BZW1: variants seen among roughly 807,000 people sequenced by gnomAD.
The protein encoded by BZW1 is basic leucine zipper and W2 domains 1.
Under a neutral mutation model 54.1 loss-of-function variants are expected in BZW1, and 3 were observed. That is an observed-to-expected ratio of 0.06 (90% CI 0.03 to 0.14). BZW1 has a LOEUF of 0.14. Among genes scored for constraint, BZW1 ranks in the 10% least tolerant of loss-of-function variants. BZW1 has a pLI of 1.00. For missense variants in BZW1, 206 were observed against 491.7 expected (o/e 0.42, Z 5.50); for synonymous variants, 152 against 162.7 (o/e 0.93, Z 0.50).
At chr2:200,820,437 T>C (rs922351586) in intron 10 of BZW1, among the ~76,000 whole-genome samples, 9 of 152,196 alleles carry the variant, frequency 5.9e-5, no homozygotes, top group Non-Finnish European at 1.0e-4. Context: ...CCCAACACTT[T>C]GGGAGCCTGA....
At position 200,817,095 on chromosome 2, in the gene BZW1, A is replaced by G. The variant is rs747141947; in HGVS notation, c.403-11A>G. 3 of 1,612,716 alleles carry G rather than the reference A, an allele frequency of 1.9e-6. No individual in the cohort carries two copies. Among genetic ancestry groups the G allele is most frequent in the Admixed American group, 3.3e-5 (2 of 59,878 alleles). ...TGCTGTTTTAACCCTTAATTGTTTT[A>G]CTTTTTACAGCTGCTGCTGTTCTTG... is the stretch of plus-strand genomic sequence containing the variant. On this transcript the variant is annotated splice_polypyrimidine_tract_variant and intron_variant, in intron 5 of 11. Coordinates refer to ENST00000409600, the MANE Select transcript of BZW1 (RefSeq NM_001207067.2).
At chr2:200,817,008 C>A in intron 5 of BZW1, 98 bp from the exon 6 acceptor site, 3 of 1,389,540 alleles carry the variant, frequency 2.2e-6, no homozygotes, top group Non-Finnish European at 2.9e-6. Context: ...GATCCCAGAG[C>A]CCACGTATTG....
chr2:200,821,595 C>T (rs1374734818), intron 11 of BZW1, among the ~76,000 whole-genome samples: 1 of 151,602 alleles, frequency 6.6e-6, no homozygotes, highest in South Asian at 2.1e-4. Flanking sequence ...GACAGAGTCT[C>T]ACTATGTTGC....
chr2:200,815,261 G>A, intron 2 of BZW1, 80 bp from the exon 3 acceptor site: 4 of 1,351,760 alleles, frequency 3.0e-6, no homozygotes, highest in Non-Finnish European at 4.0e-6. Context: ...TTTAACAATT[G>A]CATCTTCATA....
intron 9 of BZW1, chr2:200,819,208 G>C (rs1385369847): frequency 3.5e-6 from 1 of 287,604 alleles, no homozygotes. Context: ...GGGCAACATA[G>C]TGAGACCTCA....
In BZW1 at chr2:200,826,407, A is replaced by AGATAGATAGATAGATAT. The variant is rs1559318394; in HGVS notation, c.*4229_*4230insGATAGATAGATAGATAT. On this transcript the variant is annotated 3_prime_UTR_variant, in exon 12 of 12. Coordinates refer to ENST00000409600, the MANE Select transcript of BZW1 (RefSeq NM_001207067.2). ...TAGATAGATAGATAGATAGATAGAT[A>AGATAGATAGATAGATAT]TTTTTTTTTTTTTTTTTTTTTTTTT... 4.7e-4 allele frequency: 26 copies of AGATAGATAGATAGATAT among 54,940 alleles called. No homozygotes were observed. The highest frequency in any genetic ancestry group is 8.3e-4 in the East Asian group (2 of 2,408). 3.4% of individuals were successfully genotyped at this position (54,940 alleles called of 1,614,324 possible). A position where few individuals can be genotyped will look rare whatever the true frequency, so the allele number is the denominator to read the frequency against.
chr2:200,812,992 T>C lies in BZW1; in HGVS notation c.-10-216T>C, dbSNP rs2038145659. The C allele has an allele frequency of 7.2e-6, 5 of 693,458 alleles. No homozygotes were observed. In the South Asian group the frequency reaches 7.5e-5, roughly 10 times the overall value. The allele number at this position is 693,458 out of a possible 1,614,324, so 43.0% of individuals were successfully genotyped here. A position where few individuals can be genotyped will look rare whatever the true frequency, so the allele number is the denominator to read the frequency against. ...CTTAAAAGTAGTTCACAGCACTAAT[T>C]TGAAGGGTTTCTTGTAGAGAGAAAT... On this transcript the variant is annotated intron_variant, in intron 1 of 11. Transcript: ENST00000409600.
At chr2:200,814,401 T>G (rs1416670014) in intron 2 of BZW1, among the ~76,000 whole-genome samples, 1 of 152,192 alleles carries the variant, frequency 6.6e-6, no homozygotes, top group Admixed American at 6.6e-5. Context: ...CACAAGACTT[T>G]CAGTGCTAAA....
rs1354145733 is a variant in BZW1 at position 200,813,420 on chromosome 2, C to T, written c.64+139C>T. ...GAAACTTGAATTTCTCGTTGACTGCCATTTCACATACACCTTTAATATTTC... is the reference window on the plus strand; with the variant it reads ...GAAACTTGAATTTCTCGTTGACTGCTATTTCACATACACCTTTAATATTTC... On this transcript the variant is annotated intron_variant, in intron 2 of 11. Coordinates refer to ENST00000409600, the MANE Select transcript of BZW1 (RefSeq NM_001207067.2). 2.5e-5 allele frequency: 17 copies of T among 690,248 alleles called. No individual in the cohort carries two copies. In the South Asian group the frequency reaches 2.9e-4, roughly 12 times the overall value. The allele number at this position is 690,248 out of a possible 1,614,324, so 42.8% of individuals were successfully genotyped here.
chr2:200,813,623 AAGG>A (rs1416864500), intron 2 of BZW1, among the ~76,000 whole-genome samples: 1 of 152,220 alleles, frequency 6.6e-6, no homozygotes, highest in Non-Finnish European at 1.5e-5. Flanking sequence ...TAATTTATAA[AAGG>A]AGAACTCCTA....
chr2:200,817,936 G>C, intron 6 of BZW1, 38 bp from the exon 7 acceptor site: 3 of 1,392,182 alleles, frequency 2.2e-6, no homozygotes, highest in Non-Finnish European at 3.0e-6. Context: ...TGAAACCAGG[G>C]AAGGTACTTC....
Position 200,821,175 on chromosome 2 carries a change from C to T in BZW1, c.1106-8C>T, listed in dbSNP as rs2038494340. ...AAACTCCCTTAATGCAATGAGTTTTCTTTCCAGCTGAAGTCCTGAGCGAGG... is the reference window on the plus strand; with the variant it reads ...AAACTCCCTTAATGCAATGAGTTTTTTTTCCAGCTGAAGTCCTGAGCGAGG... On this transcript the variant is annotated splice_polypyrimidine_tract_variant and splice_region_variant and intron_variant, in intron 10 of 11. Transcript: ENST00000409600. 1 of 1,611,168 alleles carries T rather than the reference C, an allele frequency of 6.2e-7. No homozygotes were observed. Among genetic ancestry groups the T allele is most frequent in the African/African-American group, 1.3e-5 (1 of 74,940 alleles).
rs779609519 is a variant in BZW1, at chr2:200,812,482, G to T, written c.-11+492G>T. 34 of 1,335,148 alleles carry T rather than the reference G, an allele frequency of 2.5e-5. No individual in the cohort carries two copies. In the South Asian group the frequency reaches 6.3e-4, roughly 25 times the overall value. 82.7% of individuals were successfully genotyped at this position (1,335,148 alleles called of 1,614,324 possible). ...TCCGCTCGTTGCGGCGGCCGCCACC[G>T]CAGGCGACAGGGTCAGTGGAGAAAG... On this transcript the variant is annotated intron_variant, in intron 1 of 11. Coordinates refer to ENST00000409600, the MANE Select transcript of BZW1 (RefSeq NM_001207067.2).
Position 200,825,822 on chromosome 2 carries a change from C to T in BZW1, c.*3644C>T, listed in dbSNP as rs1022316172. Reference sequence around the variant, plus strand: ...TTGGCTTTAAATGTAATGTAGATGCCAAAGTTTTAGTGTACAGTGTTACTT... The same window carrying T: ...TTGGCTTTAAATGTAATGTAGATGCTAAAGTTTTAGTGTACAGTGTTACTT... On this transcript the variant is annotated 3_prime_UTR_variant, in exon 12 of 12. Coordinates refer to ENST00000409600, the MANE Select transcript of BZW1 (RefSeq NM_001207067.2). The T allele has an allele frequency of 3.3e-5, 5 of 152,148 alleles. No homozygotes were observed. Among genetic ancestry groups the T allele is most frequent in the South Asian group, 2.1e-4 (1 of 4,830 alleles). The allele number at this position is 152,148 out of a possible 1,614,324, so 9.4% of individuals were successfully genotyped here.
rs1000745490 is a variant in BZW1, at chr2:200,824,435, G to A, written c.*2257G>A. The A allele has an allele frequency of 6.6e-6, 1 of 151,738 alleles. No homozygotes were observed. The allele number at this position is 151,738 out of a possible 1,614,324, so 9.4% of individuals were successfully genotyped here. A position where few individuals can be genotyped will look rare whatever the true frequency, so the allele number is the denominator to read the frequency against. On this transcript the variant is annotated 3_prime_UTR_variant, in exon 12 of 12. Coordinates refer to ENST00000409600, the MANE Select transcript of BZW1 (RefSeq NM_001207067.2). The stretch of plus-strand genomic sequence containing the variant: ...TCCTTAGAAACTAAATGAGTTTTTA[G>A]AGCTGGTTGTAAGTTTCTTAGCCTT...
At position 200,815,415 on chromosome 2, in the gene BZW1, T is replaced by A. The variant is rs770199814; in HGVS notation, c.139T>A (p.Leu47Met). Reference sequence around the variant, plus strand: ...AGGCTTAACTGAAACCGGTACTGATTTGGAAGCAGTAGCTAAGTTTCTTGA... The same window carrying A: ...AGGCTTAACTGAAACCGGTACTGATATGGAAGCAGTAGCTAAGTTTCTTGA... ...IQGLTETGTD[L>M]EAVAKFLDAS... The change falls in exon 3 of 12, where the codon TTG (leucine) becomes ATG (methionine). Residue 47 changes from leucine (L) to methionine (M), a missense_variant. This residue lies in a region of BZW1 where 26 missense variants were observed against 26.9 expected (regional missense o/e 0.97). Coordinates refer to ENST00000409600, the MANE Select transcript of BZW1 (RefSeq NM_001207067.2). 7 of 1,613,864 alleles carry A rather than the reference T, an allele frequency of 4.3e-6. No homozygotes were observed. In the African/African-American group the frequency reaches 9.3e-5, roughly 22 times the overall value.
intron 5 of BZW1, among the ~76,000 whole-genome samples, 178 bp from the exon 6 acceptor site, chr2:200,816,928 A>T (rs1575052975): frequency 6.6e-6 from 1 of 152,226 alleles, no homozygotes; most frequent in Admixed American, 6.5e-5. Context: ...TGAGGTGCAG[A>T]GGTTAAGTAA....
In BZW1 at chr2:200,815,554, A is replaced by G. The variant is rs1348012500; in HGVS notation, c.241+37A>G. On this transcript the variant is annotated intron_variant, in intron 3 of 11. Transcript: ENST00000409600. ...TGGTTTGTGGGCTTAATAATTTAGA[A>G]AGGTATAATATATGGAGATTATGGA... is the stretch of plus-strand genomic sequence containing the variant. The G allele has an allele frequency of 3.1e-6, 5 of 1,610,376 alleles. No individual in the cohort carries two copies. The African/African-American group carries it at 5.3e-5, about 17-fold the overall frequency.
intron 2 of BZW1, among the ~76,000 whole-genome samples, chr2:200,814,909 C>G (rs1559310218): frequency 6.6e-6 from 1 of 152,222 alleles, no homozygotes; most frequent in Non-Finnish European, 1.5e-5. Flanking sequence ...AATGTACTTT[C>G]TAAAGCTCAC....
Sources: gnomAD v4.1 joint callset for allele counts (sites outside exome capture counted in the v4.1 genomes callset) on GRCh38, gnomAD v4.1.1 for gene constraint, gnomAD v4.1.1 regional missense constraint, MANE v1.5 for transcripts, NCBI Gene and HGNC (gene_info 2026-07-23, HGNC 2026-07-21) for gene names.